ADGRL3: variants seen among roughly 807,000 people sequenced by gnomAD.
The protein encoded by ADGRL3 is calcium-independent alpha-latrotoxin receptor 3.
ADGRL3 carries 62 observed loss-of-function variants against 153.5 expected under a neutral mutation model. The ratio of observed to expected loss-of-function variants is 0.40; its 90% CI spans 0.33 to 0.50. ADGRL3 has a LOEUF of 0.50. ADGRL3 is among the 20% of genes least tolerant of loss of function. The pLI is 0.47. For synonymous variants in ADGRL3, 710 were observed against 672.5 expected, an observed-to-expected ratio of 1.06 and a Z score of -0.86; for missense variants, 1,641 against 1,859.4, an observed-to-expected ratio of 0.88 and a Z score of 2.16.
At chr4:62,034,312 A>C (rs901733801) in intron 23 of ADGRL3, among the ~76,000 whole-genome samples, 1 of 151,796 alleles carries the variant, frequency 6.6e-6, no homozygotes, top group Non-Finnish European at 1.5e-5. Flanking sequence ...TCCTGAGTCA[A>C]AAAACTTAAA....
rs559599783 is a variant in ADGRL3 at position 61,302,459 on chromosome 4, A to T, written c.-239-80665A>T. ...GTATTGGATTTTTTTTTTAATTAAA[A>T]GTTGAACAGTGTGTGGAACTGAGCA... is the stretch of plus-strand genomic sequence containing the variant. On this transcript the variant is annotated intron_variant, in intron 1 of 26. Coordinates refer to ENST00000683033, the MANE Select transcript of ADGRL3 (RefSeq NM_001387552.1). Among the ~76,000 whole-genome samples the T allele has an allele frequency of 1.4e-4, 21 of 152,242 alleles. No homozygotes were observed. In the East Asian group the frequency reaches 2.7e-3, roughly 20 times the overall value.
chr4:61,814,186 C>T lies in ADGRL3; in HGVS notation c.1480+297C>T, dbSNP rs376411957. Among the ~76,000 whole-genome samples the T allele has an allele frequency of 4.0e-5, 6 of 151,128 alleles. No individual in the cohort carries two copies. In the East Asian group the frequency reaches 9.7e-4, roughly 25 times the overall value. The stretch of plus-strand genomic sequence containing the variant: ...TTAGATTTAGAAATTACCAGATAAC[C>T]GTTAACTTTTTTACTGGGACCTTCT... On this transcript the variant is annotated intron_variant, in intron 9 of 26. Transcript: ENST00000683033.
At chr4:61,530,196 T>C (rs993704338) in intron 4 of ADGRL3, among the ~76,000 whole-genome samples, 3 of 152,128 alleles carry the variant, frequency 2.0e-5, no homozygotes, top group Admixed American at 1.3e-4. Flanking sequence ...AGTGCATGAA[T>C]TGTCTCAAAA....
chr4:61,885,206 G>T (rs1211588763), intron 9 of ADGRL3, among the ~76,000 whole-genome samples: 1 of 152,044 alleles, frequency 6.6e-6, no homozygotes, highest in African/African-American at 2.4e-5. Context: ...GCGCGCGCCT[G>T]TAATCCCAGC....
intron 17 of ADGRL3, among the ~76,000 whole-genome samples, chr4:61,963,401 C>G (rs1024893370): frequency 6.6e-6 from 1 of 151,836 alleles, no homozygotes; most frequent in Non-Finnish European, 1.5e-5. Context: ...GTTATTCAGT[C>G]CTCACCCCCT....
intron 9 of ADGRL3, among the ~76,000 whole-genome samples, chr4:61,819,294 C>T (rs1280698391): frequency 1.3e-5 from 2 of 152,076 alleles, no homozygotes; most frequent in African/African-American, 4.8e-5. Flanking sequence ...AATTGAAATT[C>T]TATCTCCAGT....
At chr4:61,641,267 AT>A (rs35499877) in intron 5 of ADGRL3, among the ~76,000 whole-genome samples, 80,754 of 150,936 alleles carry the variant, frequency 0.54, 21,759 homozygotes, top group East Asian at 0.74. Flanking sequence ...AATAAATCCT[AT>A]TTTTTTTTCG....
At chr4:61,996,486 T>C in intron 20 of ADGRL3, 129 bp downstream of exon 20, 2 of 651,628 alleles carry the variant, frequency 3.1e-6, no homozygotes, top group South Asian at 3.9e-5. Context: ...CCCTACATAA[T>C]TCAAGCAATT....
At chr4:61,291,204 A>ACACACACACG (rs1553894979) in intron 1 of ADGRL3, among the ~76,000 whole-genome samples, 3 of 27,646 alleles carry the variant, frequency 1.1e-4, no homozygotes, top group East Asian at 1.0e-3. Context: ...ACACACACAC[A>ACACACACACG]CACACACACA....
At chr4:61,705,510 A>G (rs905971309) in intron 6 of ADGRL3, among the ~76,000 whole-genome samples, 1 of 149,432 alleles carries the variant, frequency 6.7e-6, no homozygotes, top group African/African-American at 2.4e-5. Flanking sequence ...ATATATATAT[A>G]TATTTGAGAC....
chr4:61,660,578 C>G (rs1304776750), intron 5 of ADGRL3, among the ~76,000 whole-genome samples: 1 of 152,054 alleles, frequency 6.6e-6, no homozygotes, highest in Non-Finnish European at 1.5e-5. Flanking sequence ...GGCCAATTCT[C>G]CCTAACTAAA....
chr4:61,972,326 A>C (rs1448660095), intron 17 of ADGRL3, among the ~76,000 whole-genome samples: 2 of 152,084 alleles, frequency 1.3e-5, no homozygotes, highest in Non-Finnish European at 2.9e-5. Flanking sequence ...TCTTGAATTA[A>C]TTTTTGTATA....
chr4:61,362,190 A>G (rs1578432749), intron 1 of ADGRL3, among the ~76,000 whole-genome samples: 1 of 151,126 alleles, frequency 6.6e-6, no homozygotes, highest in Non-Finnish European at 1.5e-5. Context: ...TTTAGTAGAG[A>G]CGGTGTTTCA....
chr4:61,730,251 A>G (rs927149173), intron 6 of ADGRL3, among the ~76,000 whole-genome samples: 1 of 151,954 alleles, frequency 6.6e-6, no homozygotes, highest in Non-Finnish European at 1.5e-5. Context: ...AGACTAGTCA[A>G]ACTATTTGAA....
intron 9 of ADGRL3, among the ~76,000 whole-genome samples, chr4:61,864,527 A>C (rs1316735281): frequency 6.6e-6 from 1 of 152,176 alleles, no homozygotes; most frequent in Non-Finnish European, 1.5e-5. Flanking sequence ...GCTCCACAAA[A>C]AGCCAAGCTT....
chr4:61,634,042 C>T (rs1175066215), intron 5 of ADGRL3, among the ~76,000 whole-genome samples: 1 of 151,872 alleles, frequency 6.6e-6, no homozygotes, highest in South Asian at 2.1e-4. Flanking sequence ...AACTTGATAA[C>T]ACTGGACCTA....
chr4:61,320,119 G>C (rs186838670), intron 1 of ADGRL3, among the ~76,000 whole-genome samples: 1 of 152,262 alleles, frequency 6.6e-6, no homozygotes, highest in East Asian at 1.9e-4. Context: ...AAGCTGGAAA[G>C]ATACCCCTCT....
At chr4:61,834,195 A>G (rs2097907474) in intron 9 of ADGRL3, among the ~76,000 whole-genome samples, 1 of 146,824 alleles carries the variant, frequency 6.8e-6, no homozygotes, top group Non-Finnish European at 1.5e-5. Context: ...CCCACCTATG[A>G]GTGAGAACAT....
Position 61,895,960 on chromosome 4 carries a change from A to G in ADGRL3, c.1887+126A>G, listed in dbSNP as rs998485886. 3 of 519,178 alleles carry G rather than the reference A, an allele frequency of 5.8e-6. No individual in the cohort carries two copies. In the Admixed American group the frequency reaches 1.1e-4, roughly 19 times the overall value. 32.2% of individuals were successfully genotyped at this position (519,178 alleles called of 1,614,324 possible). On this transcript the variant is annotated intron_variant, in intron 11 of 26. Transcript: ENST00000683033. ...AATGTAGAAAATTTCACATTTAATGACAACCTCTAATATGTTATGAGCTAA... is the reference window on the plus strand; with the variant it reads ...AATGTAGAAAATTTCACATTTAATGGCAACCTCTAATATGTTATGAGCTAA...
Sources: allele counts gnomAD v4.1 joint callset (sites outside exome capture counted in the v4.1 genomes callset), GRCh38; gene constraint gnomAD v4.1.1; transcripts MANE v1.5; gene names NCBI Gene and HGNC (gene_info 2026-07-23, HGNC 2026-07-21).